The following DAB1 variants were observed in gnomAD, a reference collection of about 807,000 sequenced individuals.
DAB1 encodes DAB adaptor protein 1.
In DAB1, 15 loss-of-function variants were observed where a neutral mutation model predicts 64.6. The ratio of observed to expected loss-of-function variants is 0.23; its 90% CI spans 0.16 to 0.36. The LOEUF (loss-of-function observed/expected upper bound fraction) is 0.36, where lower values mean the gene tolerates loss of function less well. Among genes scored for constraint, DAB1 ranks in the 10% least tolerant of loss-of-function variants. The pLI is 1.00. For synonymous variants in DAB1, 235 were observed against 251.9 expected (o/e 0.93, Z 0.64); for missense variants, 596 against 706.7 (o/e 0.84, Z 1.78).
At chr1:58,392,415 C>G (rs762341081) in intron 3 of DAB1, among the ~76,000 whole-genome samples, 11 of 152,128 alleles carry the variant, frequency 7.2e-5, no homozygotes, top group Non-Finnish European at 1.6e-4. Context: ...AGTATAAAGC[C>G]ACCACACTCC....
At chr1:57,550,335 CT>C in intron 7 of DAB1, among the ~76,000 whole-genome samples, 1 of 152,246 alleles carries the variant, frequency 6.6e-6, no homozygotes, top group South Asian at 2.1e-4. Flanking sequence ...CACTGGAGTG[CT>C]ATAAACAGGA....
chr1:58,253,564 T>G (rs1660854259), intron 4 of DAB1, among the ~76,000 whole-genome samples: 1 of 152,254 alleles, frequency 6.6e-6, no homozygotes, highest in Non-Finnish European at 1.5e-5. Flanking sequence ...CCTCAAATAG[T>G]TGGGCTGCCC....
chr1:58,235,898 A>G (rs1416187078), intron 4 of DAB1, among the ~76,000 whole-genome samples: 2 of 152,184 alleles, frequency 1.3e-5, no homozygotes, highest in African/African-American at 4.8e-5. Context: ...TTCTTTTTGG[A>G]GGCCATAAGA....
chr1:57,974,613 T>C (rs914442677), intron 5 of DAB1, among the ~76,000 whole-genome samples: 1 of 152,096 alleles, frequency 6.6e-6, no homozygotes, highest in Non-Finnish European at 1.5e-5. Context: ...AAAAGATCCC[T>C]AGGTGATTTG....
intron 4 of DAB1, among the ~76,000 whole-genome samples, chr1:58,246,834 CTGTG>C (rs971647971): frequency 2.6e-5 from 4 of 151,450 alleles, no homozygotes; most frequent in African/African-American, 7.3e-5. Context: ...GTGTGTGACT[CTGTG>C]TGTGAAGGTG....
At chr1:57,921,526 C>A (rs1644807466) in intron 5 of DAB1, among the ~76,000 whole-genome samples, 1 of 152,118 alleles carries the variant, frequency 6.6e-6, no homozygotes, top group Admixed American at 6.5e-5. Flanking sequence ...GGCCACAAGG[C>A]CAATCCTCAG....
At chr1:57,399,159 G>C (rs1176688340) in intron 1 of DAB1, among the ~76,000 whole-genome samples, 1 of 152,134 alleles carries the variant, frequency 6.6e-6, no homozygotes, top group Non-Finnish European at 1.5e-5. Context: ...CAGCCACACA[G>C]AACCAAAAGG....
chr1:57,199,369 C>T (rs886141138), intron 2 of DAB1, among the ~76,000 whole-genome samples: 2 of 152,146 alleles, frequency 1.3e-5, no homozygotes, highest in African/African-American at 4.8e-5. Flanking sequence ...AGGCACAGGC[C>T]ACATAGGGCC....
intron 7 of DAB1, among the ~76,000 whole-genome samples, chr1:57,495,920 G>A (rs1244101640): frequency 6.6e-6 from 1 of 152,078 alleles, no homozygotes; most frequent in East Asian, 1.9e-4. Flanking sequence ...GAAGCTGTAT[G>A]GTCCTTGAAG....
intron 6 of DAB1, among the ~76,000 whole-genome samples, chr1:57,750,966 T>C (rs1198629572): frequency 2.0e-5 from 3 of 152,176 alleles, no homozygotes; most frequent in Non-Finnish European, 4.4e-5. Context: ...TGATCATATT[T>C]CTATTCCCAC....
At chr1:57,085,705 G>A (rs1193670411) in intron 4 of DAB1, among the ~76,000 whole-genome samples, 1 of 152,120 alleles carries the variant, frequency 6.6e-6, no homozygotes, top group Non-Finnish European at 1.5e-5. Flanking sequence ...CTGCCTCTAC[G>A]AGACACAGGA....
chr1:57,251,755 C>T (rs1669360149), intron 2 of DAB1, among the ~76,000 whole-genome samples: 1 of 152,136 alleles, frequency 6.6e-6, no homozygotes, highest in Non-Finnish European at 1.5e-5. Flanking sequence ...CCCTTTTTCA[C>T]CAAACAAAAC....
chr1:57,530,925 T>C (rs1570600954), intron 7 of DAB1, among the ~76,000 whole-genome samples: 1 of 152,320 alleles, frequency 6.6e-6, no homozygotes, highest in East Asian at 1.9e-4. Flanking sequence ...GCTCCTCTTC[T>C]CTCTTGCTGA....
chr1:57,332,115 C>T (rs1295056217), intron 1 of DAB1, among the ~76,000 whole-genome samples: 1 of 152,158 alleles, frequency 6.6e-6, no homozygotes, highest in Non-Finnish European at 1.5e-5. Context: ...AGGCCCACAC[C>T]ACCATGCCTG....
chr1:57,998,521 A>G (rs1345546945), intron 5 of DAB1, among the ~76,000 whole-genome samples: 8 of 150,198 alleles, frequency 5.3e-5, no homozygotes, highest in African/African-American at 2.0e-4. Context: ...ACACCACCAC[A>G]CCCAGCTAAT....
intron 3 of DAB1, among the ~76,000 whole-genome samples, chr1:58,365,115 A>C (rs1306836583): frequency 6.6e-6 from 1 of 152,220 alleles, no homozygotes; most frequent in East Asian, 1.9e-4. Flanking sequence ...CAATCAGTAC[A>C]TTAACCTCCT....
chr1:57,709,308 A>T (rs970192137), intron 6 of DAB1, among the ~76,000 whole-genome samples: 16 of 152,208 alleles, frequency 1.1e-4, no homozygotes, highest in Non-Finnish European at 2.2e-4. Context: ...ACTATAGTTT[A>T]CATTGGTAGA....
chr1:57,158,766 G>C (rs1660473122), intron 2 of DAB1, among the ~76,000 whole-genome samples: 1 of 152,086 alleles, frequency 6.6e-6, no homozygotes, highest in Non-Finnish European at 1.5e-5. Context: ...ACACTTAGGG[G>C]GCTGTTAAAA....
intron 5 of DAB1, among the ~76,000 whole-genome samples, chr1:58,143,245 A>G (rs1276444389): frequency 6.6e-6 from 1 of 152,166 alleles, no homozygotes; most frequent in Non-Finnish European, 1.5e-5. Flanking sequence ...TACATGACAC[A>G]GCCCCTAACA....
Sources: gnomAD v4.1 joint callset for allele counts (sites outside exome capture counted in the v4.1 genomes callset) on GRCh38, gnomAD v4.1.1 for gene constraint, MANE v1.5 for transcripts, NCBI Gene and HGNC (gene_info 2026-07-23, HGNC 2026-07-21) for gene names.